MYO5A: variants seen among roughly 807,000 people sequenced by gnomAD.
MYO5A encodes the protein unconventional myosin-Va.
MYO5A carries 98 observed loss-of-function variants against 249.7 expected under a neutral mutation model. That is an observed-to-expected ratio of 0.39 (90% CI 0.33 to 0.46). MYO5A has a LOEUF of 0.46. Among genes scored for constraint, MYO5A ranks in the 20% least tolerant of loss-of-function variants. The probability of loss-of-function intolerance (pLI) is 0.98; values close to 1 mark genes in which losing one functional copy is unlikely to be tolerated. For synonymous variants in MYO5A, 778 were observed against 810.6 expected, an observed-to-expected ratio of 0.96 and a Z score of 0.68; for missense variants, 1,696 against 2,308.8, an observed-to-expected ratio of 0.73 and a Z score of 5.44.
At chr15:52,448,110 G>A (rs1478298126) in intron 1 of MYO5A, among the ~76,000 whole-genome samples, 1 of 152,212 alleles carries the variant, frequency 6.6e-6, no homozygotes, top group Non-Finnish European at 1.5e-5. Context: ...AAAGCCAAAG[G>A]CACTCAATCC....
intron 1 of MYO5A, among the ~76,000 whole-genome samples, chr15:52,509,482 C>A (rs1031508017): frequency 6.6e-6 from 1 of 152,190 alleles, no homozygotes; most frequent in Non-Finnish European, 1.5e-5. Context: ...GATCAGCTGA[C>A]AGACAGCATG....
chr15:52,449,338 G>T, intron 1 of MYO5A, among the ~76,000 whole-genome samples: 1 of 152,012 alleles, frequency 6.6e-6, no homozygotes, highest in South Asian at 2.1e-4. Context: ...TCATGATCTG[G>T]CCCTGTCAAC....
intron 24 of MYO5A, among the ~76,000 whole-genome samples, chr15:52,361,402 C>T (rs1238322766): frequency 6.6e-6 from 1 of 152,212 alleles, no homozygotes; most frequent in African/African-American, 2.4e-5. Context: ...TGTCTTCCCA[C>T]ATATGTCTAT....
intron 36 of MYO5A, among the ~76,000 whole-genome samples, chr15:52,325,016 ATT>A (rs1358754756): frequency 2.6e-5 from 4 of 152,230 alleles, no homozygotes; most frequent in Non-Finnish European, 4.4e-5. Flanking sequence ...ATACAATTTT[ATT>A]ACTTTCCCAA....
chr15:52,415,936 G>T (rs2043461984), intron 5 of MYO5A: 3 of 624,472 alleles, frequency 4.8e-6, no homozygotes, highest in South Asian at 2.0e-5. Context: ...GACTAAAACA[G>T]ATTCCGCTAT....
At chr15:52,479,868 G>A (rs1567165816) in intron 1 of MYO5A, among the ~76,000 whole-genome samples, 1 of 152,180 alleles carries the variant, frequency 6.6e-6, no homozygotes, top group Non-Finnish European at 1.5e-5. Context: ...GAAAAGAGCT[G>A]GACAGTGAGT....
rs1182793522 is a variant in MYO5A, at chr15:52,405,306, G to A, written c.1034C>T (p.Ala345Val). Residue 345 changes from alanine to valine, a missense_variant, in exon 9 of 42, where the codon GCA becomes GTA. By Grantham distance (64) the Ala-to-Val change is moderately conservative. This residue lies in a region of MYO5A where 185 missense variants were observed against 204.8 expected (regional missense o/e 0.90). Transcript: ENST00000399233. ...LGNVGFTSRD[A>V]DSCTIPPKHE... ...ACTTACAGGTATTGTGCAGCTGTCT[G>A]CATCTCGGGATGTAAATCCAACATT... 4 of 1,612,414 alleles carry A rather than the reference G, an allele frequency of 2.5e-6. No homozygotes were observed. The African/African-American group carries it at 5.3e-5, about 22-fold the overall frequency.
chr15:52,350,792 A>G (rs1359972402), intron 28 of MYO5A, among the ~76,000 whole-genome samples: 1 of 152,208 alleles, frequency 6.6e-6, no homozygotes, highest in Non-Finnish European at 1.5e-5. Context: ...AGAACTGCCT[A>G]AAGTGAGCAG....
intron 40 of MYO5A, 46 bp from the exon 41 acceptor site, chr15:52,314,249 C>T: frequency 7.6e-7 from 1 of 1,315,258 alleles, no homozygotes; most frequent in African/African-American, 1.4e-5. Context: ...TTATCAAATA[C>T]ACACTGGGTA....
chr15:52,423,987 T>C (rs1393887797), intron 4 of MYO5A, among the ~76,000 whole-genome samples: 1 of 152,262 alleles, frequency 6.6e-6, no homozygotes, highest in African/African-American at 2.4e-5. Context: ...CTCTGAGCAC[T>C]ATATAATTTT....
At chr15:52,502,646 T>C (rs1018551800) in intron 1 of MYO5A, among the ~76,000 whole-genome samples, 16 of 152,208 alleles carry the variant, frequency 1.1e-4, no homozygotes, top group Non-Finnish European at 1.3e-4. Flanking sequence ...ACCAACCTAG[T>C]TGACAAATGT....
rs908013977 is a variant in MYO5A at position 52,311,446 on chromosome 15, C to G, written c.*2250G>C. On this transcript the variant is annotated 3_prime_UTR_variant, in exon 42 of 42. Coordinates refer to ENST00000399233, the MANE Select transcript of MYO5A (RefSeq NM_001382347.1). ...AAACCGCATTGACAACCAGGAAAAACTGGGAGAATTTGATGCAATTGGTAG... is the reference window on the plus strand; with the variant it reads ...AAACCGCATTGACAACCAGGAAAAAGTGGGAGAATTTGATGCAATTGGTAG... The G allele has an allele frequency of 6.6e-6, 1 of 152,144 alleles. No homozygotes were observed. Among genetic ancestry groups the G allele is most frequent in the African/African-American group, 2.4e-5 (1 of 41,424 alleles). The allele number at this position is 152,144 out of a possible 1,614,324, so 9.4% of individuals were successfully genotyped here.
intron 2 of MYO5A, among the ~76,000 whole-genome samples, chr15:52,431,722 A>T (rs577592542): frequency 4.6e-5 from 7 of 151,766 alleles, no homozygotes; most frequent in Admixed American, 4.6e-4. Context: ...ACAGTGGCTC[A>T]TGCCTATAAT....
At chr15:52,408,602 T>A (rs1244641591) in intron 6 of MYO5A, among the ~76,000 whole-genome samples, 1 of 152,230 alleles carries the variant, frequency 6.6e-6, no homozygotes, top group Non-Finnish European at 1.5e-5. Flanking sequence ...CAAATGTACA[T>A]CTTCTATATC....
chr15:52,328,092 G>C, intron 35 of MYO5A, 86 bp from the exon 36 acceptor site: 1 of 1,116,990 alleles, frequency 9.0e-7, no homozygotes, highest in South Asian at 1.3e-5. Context: ...CAGTTGTCAT[G>C]TAAGAGTTCA....
chr15:52,336,595 A>G, intron 33 of MYO5A, 39 bp from the exon 34 acceptor site: 1 of 1,432,424 alleles, frequency 7.0e-7, no homozygotes, highest in African/African-American at 1.4e-5. Flanking sequence ...AAAAATCGAA[A>G]CAGGCCTTCT....
chr15:52,444,486 A>T (rs191252394), intron 1 of MYO5A, among the ~76,000 whole-genome samples: 13 of 152,342 alleles, frequency 8.5e-5, no homozygotes, highest in African/African-American at 3.1e-4. Context: ...TCAACAAAAC[A>T]CTTGAGAGAA....
At chr15:52,432,101 C>T (rs1196288115) in intron 2 of MYO5A, among the ~76,000 whole-genome samples, 1 of 150,640 alleles carries the variant, frequency 6.6e-6, no homozygotes, top group African/African-American at 2.4e-5. Flanking sequence ...CCCATGAGCC[C>T]ATAATAAATA....
chr15:52,363,153 T>A (rs1286328382), intron 24 of MYO5A, among the ~76,000 whole-genome samples: 1 of 152,198 alleles, frequency 6.6e-6, no homozygotes, highest in South Asian at 2.1e-4. Context: ...AATGTTGGCA[T>A]TGTCATCTAA....
Sources: allele counts gnomAD v4.1 joint callset (sites outside exome capture counted in the v4.1 genomes callset), GRCh38; gene constraint gnomAD v4.1.1; regional missense constraint gnomAD v4.1.1; transcripts MANE v1.5; gene names NCBI Gene and HGNC (gene_info 2026-07-23, HGNC 2026-07-21).